Variants in DCC observed in about 807,000 individuals in gnomAD.
DCC encodes the protein DCC netrin 1 receptor.
In DCC, 58 loss-of-function variants were observed where a neutral mutation model predicts 172.5. The ratio of observed to expected loss-of-function variants is 0.34; its 90% CI spans 0.27 to 0.42. The LOEUF is 0.42. DCC is among the 10% of genes least tolerant of loss of function. The probability of loss-of-function intolerance (pLI) is 1.00; values close to 1 mark genes in which losing one functional copy is unlikely to be tolerated. For synonymous variants in DCC, 709 were observed against 644.5 expected (o/e 1.10, Z -1.52); for missense variants, 1,740 against 1,791.0 (o/e 0.97, Z 0.51).
intron 1 of DCC, among the ~76,000 whole-genome samples, chr18:52,529,337 C>T (rs2032078301): frequency 6.6e-6 from 1 of 152,192 alleles, no homozygotes; most frequent in Non-Finnish European, 1.5e-5. Context: ...GTCACCCAGG[C>T]TGGAGTGCAG....
At chr18:52,787,479 T>A (rs930916013) in intron 2 of DCC, among the ~76,000 whole-genome samples, 5 of 152,164 alleles carry the variant, frequency 3.3e-5, no homozygotes, top group Non-Finnish European at 5.9e-5. Flanking sequence ...TTACCCTTAA[T>A]TATGATTGAT....
At chr18:53,372,610 A>T (rs1057408805) in intron 15 of DCC, among the ~76,000 whole-genome samples, 4 of 152,022 alleles carry the variant, frequency 2.6e-5, no homozygotes, top group Non-Finnish European at 5.9e-5. Flanking sequence ...CCTAAAAGTT[A>T]AAAAAAATCA....
chr18:52,568,877 T>C (rs1346925522), intron 1 of DCC, among the ~76,000 whole-genome samples: 1 of 152,200 alleles, frequency 6.6e-6, no homozygotes, highest in Non-Finnish European at 1.5e-5. Flanking sequence ...TATTCCAATT[T>C]ATTACAGTTT....
intron 9 of DCC, among the ~76,000 whole-genome samples, chr18:53,202,049 C>A (rs974481351): frequency 2.6e-5 from 4 of 152,088 alleles, no homozygotes; most frequent in Non-Finnish European, 5.9e-5. Flanking sequence ...CGTATGTATG[C>A]ATGCACACAT....
At position 52,632,639 on chromosome 18, in the gene DCC, T is replaced by G. The variant is rs144401030; in HGVS notation, c.92-119415T>G. Among the ~76,000 whole-genome samples, 1,249 of 152,312 alleles carry G rather than the reference T, an allele frequency of 8.2e-3. 5 individuals are homozygous for G. Among genetic ancestry groups the G allele is most frequent in the Non-Finnish European group, 0.014 (942 of 68,016 alleles). On this transcript the variant is annotated intron_variant, in intron 1 of 28. Transcript: ENST00000442544. Reference sequence around the variant, plus strand: ...TGCTCTTTTCTCCTGTTATCCTTCTTAATGGATATATCCTGCCTTCTCATG... The same window carrying G: ...TGCTCTTTTCTCCTGTTATCCTTCTGAATGGATATATCCTGCCTTCTCATG...
At chr18:52,621,592 A>G (rs1443513574) in intron 1 of DCC, among the ~76,000 whole-genome samples, 2 of 152,224 alleles carry the variant, frequency 1.3e-5, no homozygotes, top group African/African-American at 4.8e-5. Flanking sequence ...AAGGGACTGT[A>G]CTTTTGCAAA....
intron 2 of DCC, among the ~76,000 whole-genome samples, chr18:52,882,576 A>C (rs1345439862): frequency 6.6e-6 from 1 of 152,018 alleles, no homozygotes; most frequent in Non-Finnish European, 1.5e-5. Flanking sequence ...AGTTTCCAAA[A>C]TGCCTCTGGT....
chr18:52,722,598 C>T (rs531282546), intron 1 of DCC, among the ~76,000 whole-genome samples: 1 of 152,268 alleles, frequency 6.6e-6, no homozygotes, highest in East Asian at 1.9e-4. Flanking sequence ...TCTGCCTATT[C>T]GACTGGTGCA....
intron 1 of DCC, among the ~76,000 whole-genome samples, chr18:52,366,889 C>T (rs564893395): frequency 6.6e-5 from 10 of 152,328 alleles, no homozygotes; most frequent in African/African-American, 1.2e-4. Context: ...CTGCCAGTCC[C>T]GTGCCGTGCG....
At chr18:52,712,965 A>T (rs1252158152) in intron 1 of DCC, among the ~76,000 whole-genome samples, 1 of 152,138 alleles carries the variant, frequency 6.6e-6, no homozygotes, top group Non-Finnish European at 1.5e-5. Context: ...CATTATTTAC[A>T]GTTGTCCTCT....
chr18:52,780,145 T>G (rs1274064121), intron 2 of DCC, among the ~76,000 whole-genome samples: 1 of 152,168 alleles, frequency 6.6e-6, no homozygotes, highest in Non-Finnish European at 1.5e-5. Context: ...TACATCATAT[T>G]TATTTTTGCC....
rs528240338 is a variant in DCC at position 53,153,445 on chromosome 18, T to C, written c.1262-3911T>C. On this transcript the variant is annotated intron_variant, in intron 7 of 28. Coordinates refer to ENST00000442544, the MANE Select transcript of DCC (RefSeq NM_005215.4). ...TTTGCCACATTTACTTCTGAACATGTAGTGCTCACACACACTTCAACTGAG... is the reference window on the plus strand; with the variant it reads ...TTTGCCACATTTACTTCTGAACATGCAGTGCTCACACACACTTCAACTGAG... Among the ~76,000 whole-genome samples the C allele has an allele frequency of 4.6e-5, 7 of 152,280 alleles. No homozygotes were observed. The South Asian group carries it at 8.3e-4, about 18-fold the overall frequency.
chr18:53,361,689 C>T (rs1401572237), intron 15 of DCC, among the ~76,000 whole-genome samples: 7 of 152,132 alleles, frequency 4.6e-5, no homozygotes, highest in Non-Finnish European at 1.0e-4. Flanking sequence ...TCAAATTCAT[C>T]CTATCTACCT....
At chr18:53,385,633 C>T (rs1412692888) in intron 15 of DCC, among the ~76,000 whole-genome samples, 2 of 152,142 alleles carry the variant, frequency 1.3e-5, no homozygotes, top group African/African-American at 4.8e-5. Context: ...CCAGCATTAG[C>T]TGATACCTAT....
chr18:52,706,700 G>A (rs540424991), intron 1 of DCC, among the ~76,000 whole-genome samples: 8 of 152,254 alleles, frequency 5.3e-5, no homozygotes, highest in African/African-American at 1.4e-4. Context: ...CACCCACCAC[G>A]ACCAAGCATG....
intron 5 of DCC, among the ~76,000 whole-genome samples, chr18:52,975,388 G>C (rs2041100480): frequency 2.0e-5 from 3 of 152,072 alleles, no homozygotes; most frequent in Admixed American, 6.6e-5. Flanking sequence ...AAGTTCAGGG[G>C]TACTCGTGCG....
At chr18:53,393,922 C>CTCTCTCTCTCTCTCTCTCTCTCTCTCT (rs72364865) in intron 17 of DCC, among the ~76,000 whole-genome samples, 1 of 130,864 alleles carries the variant, frequency 7.6e-6, no homozygotes, top group Non-Finnish European at 1.6e-5. Context: ...TCCCTCTCTC[C>CTCTCTCTCTCTCTCTCTCTCTCTCTCT]CTCCCTCCCT....
intron 15 of DCC, among the ~76,000 whole-genome samples, chr18:53,340,441 T>C (rs1279983525): frequency 6.6e-6 from 1 of 152,148 alleles, no homozygotes; most frequent in Admixed American, 6.5e-5. Context: ...AAAGAAGGAA[T>C]TTTCAGTCAA....
chr18:53,194,140 A>G (rs1274955199), intron 9 of DCC, among the ~76,000 whole-genome samples: 1 of 152,168 alleles, frequency 6.6e-6, no homozygotes, highest in Non-Finnish European at 1.5e-5. Context: ...GTGCATATCT[A>G]TTTATAGAGA....
Sources: gnomAD v4.1 joint callset for allele counts (sites outside exome capture counted in the v4.1 genomes callset) on GRCh38, gnomAD v4.1.1 for gene constraint, MANE v1.5 for transcripts, NCBI Gene and HGNC (gene_info 2026-07-23, HGNC 2026-07-21) for gene names.